Variants in UGT1A5 observed in about 807,000 individuals in gnomAD.
UGT1A5 encodes the protein UDP glucuronosyltransferase family 1 member A5.
In UGT1A5, 29 loss-of-function variants were observed where a neutral mutation model predicts 40.3. That is an observed-to-expected ratio of 0.72 (90% confidence interval 0.54 to 0.98). UGT1A5 has a LOEUF of 0.98. Ranked by LOEUF, UGT1A5 falls within the 50% of genes least tolerant of loss-of-function variation. The pLI is 0.00. For synonymous variants in UGT1A5, 257 were observed against 262.5 expected, an observed-to-expected ratio of 0.98 and a Z score of 0.20; for missense variants, 678 against 677.9, an observed-to-expected ratio of 1.00 and a Z score of 0.00.
chr2:233,744,112 C>T (rs1010440918), intron 1 of UGT1A5: 4 of 367,842 alleles, frequency 1.1e-5, no homozygotes, highest in African/African-American at 6.4e-5. Context: ...TGGCCCTGCT[C>T]TCTGTGAGGC....
intron 1 of UGT1A5, among the ~76,000 whole-genome samples, chr2:233,725,937 A>T (rs911094598): frequency 6.6e-6 from 1 of 152,148 alleles, no homozygotes; most frequent in Non-Finnish European, 1.5e-5. Context: ...AGACTGATGC[A>T]GGAGGATTGT....
rs754213125 is a variant in UGT1A5 at position 233,761,125 on chromosome 2, T to G, written c.868-5909T>G. ...TATGGTTTTTGTTGGTGGAATCAAC[T>G]GCCTTCACCAAAATCCACTATCCCA... On this transcript the variant is annotated intron_variant, in intron 1 of 4. Transcript: ENST00000373414. 1.1e-5 allele frequency: 17 copies of G among 1,614,134 alleles called. No homozygotes were observed. Among genetic ancestry groups the G allele is most frequent in the Middle Eastern group, 1.6e-4 (1 of 6,084 alleles).
intron 1 of UGT1A5, among the ~76,000 whole-genome samples, chr2:233,720,845 G>A (rs1182683135): frequency 1.3e-5 from 2 of 150,558 alleles, no homozygotes; most frequent in African/African-American, 2.5e-5. Flanking sequence ...AACTGGGACT[G>A]CAGGCATGTG....
intron 1 of UGT1A5, among the ~76,000 whole-genome samples, chr2:233,735,232 C>A (rs1233403714): frequency 6.6e-6 from 1 of 152,064 alleles, no homozygotes; most frequent in Admixed American, 6.5e-5. Context: ...GGATAGTTAG[C>A]TCTTGTTGTT....
rs757417206 is a variant in UGT1A5, at chr2:233,772,349, T to C, written c.1395T>C (p.Phe465=). Residue 465 remains phenylalanine (F), a synonymous_variant, in exon 5 of 5, where the codon TTT becomes TTC. Coordinates refer to ENST00000373414, the MANE Select transcript of UGT1A5 (RefSeq NM_019078.2). ...ACCTGGCCGTGTTCTGGGTGGAGTT[T>C]GTGATGAGGCACAAGGGCGCGCCAC... ...PLDLAVFWVE[F]VMRHKGAPHL... is the part of the protein sequence containing the mutation. 2 of 1,614,272 alleles carry C rather than the reference T, an allele frequency of 1.2e-6. No individual in the cohort carries two copies. The highest frequency in any genetic ancestry group is 1.7e-5 in the Admixed American group (1 of 60,034).
At chr2:233,742,048 G>A (rs1013653818) in intron 1 of UGT1A5, 2 of 151,922 alleles carry the variant, frequency 1.3e-5, no homozygotes, top group Non-Finnish European at 2.9e-5. Context: ...ATAGCAATAG[G>A]ATAGTTCTGT....
intron 1 of UGT1A5, chr2:233,755,146 C>A: frequency 7.7e-7 from 1 of 1,304,902 alleles, no homozygotes; most frequent in Non-Finnish European, 1.0e-6. Flanking sequence ...CTTCTCACCG[C>A]TTCCTCCCTG....
chr2:233,719,081 G>A (rs146146688), intron 1 of UGT1A5: 3 of 1,614,150 alleles, frequency 1.9e-6, no homozygotes, highest in Non-Finnish European at 2.5e-6. Context: ...GGACCCAGAA[G>A]GAATTTGATC....
At chr2:233,721,036 A>G (rs1265033546) in intron 1 of UGT1A5, among the ~76,000 whole-genome samples, 1 of 152,110 alleles carries the variant, frequency 6.6e-6, no homozygotes, top group African/African-American at 2.4e-5. Context: ...TTGTGAGAGA[A>G]TTGAGCCCTT....
Position 233,747,153 on chromosome 2 carries a change from A to G in UGT1A5, c.868-19881A>G, listed in dbSNP as rs1559391866. The G allele has an allele frequency of 3.2e-6, 5 of 1,578,556 alleles. No individual in the cohort carries two copies. The East Asian group carries it at 9.0e-5, about 28-fold the overall frequency. On this transcript the variant is annotated intron_variant, in intron 1 of 4. Transcript: ENST00000373414. Reference sequence around the variant, plus strand: ...CAGTGACAAGGTAATTAAGATGAAGAAAACAAATGTAGGAGGCACAGCGTG... The same window carrying G: ...CAGTGACAAGGTAATTAAGATGAAGGAAACAAATGTAGGAGGCACAGCGTG...
Position 233,769,174 on chromosome 2 carries a change from G to T in UGT1A5, c.1307+735G>T, listed in dbSNP as rs1699806573. ...ACCTGTGAGAAATTTTGTCCATGGA[G>T]TTTATGAATGAAGGAGCTATAAGAT... On this transcript the variant is annotated intron_variant, in intron 4 of 4. Coordinates refer to ENST00000373414, the MANE Select transcript of UGT1A5 (RefSeq NM_019078.2). This position sits in a 1 kb window ranked among gnomAD's most constrained non-coding sequence, Gnocchi z 4.4. Among the ~76,000 whole-genome samples, 1 of 152,206 alleles carries T rather than the reference G, an allele frequency of 6.6e-6. No individual in the cohort carries two copies. Among genetic ancestry groups the T allele is most frequent in the Non-Finnish European group, 1.5e-5 (1 of 68,044 alleles).
At chr2:233,732,129 GTTGTTTGT>G (rs201829156) in intron 1 of UGT1A5, among the ~76,000 whole-genome samples, 3 of 151,474 alleles carry the variant, frequency 2.0e-5, no homozygotes, top group African/African-American at 4.9e-5. Context: ...TTTTGATGAG[GTTGTTTGT>G]TTGTTTTTTT....
rs796155377 is a variant in UGT1A5 at position 233,747,484 on chromosome 2, G to A, written c.868-19550G>A. ...TCATGGACCCAGGATGAATTTGATC[G>A]CCTTGTGCTGGGCCACACTCAACTG... On this transcript the variant is annotated intron_variant, in intron 1 of 4. Transcript: ENST00000373414. The A allele has an allele frequency of 6.3e-5, 101 of 1,608,658 alleles. 5 individuals are homozygous for A. The African/African-American group carries it at 1.1e-3, about 17-fold the overall frequency.
At chr2:233,738,189 CCTCT>C (rs563579368) in intron 1 of UGT1A5, among the ~76,000 whole-genome samples, 82 of 152,188 alleles carry the variant, frequency 5.4e-4, no homozygotes, top group Non-Finnish European at 1.0e-3. Context: ...CGTGTCTTTG[CCTCT>C]CTCTCACTTT....
In UGT1A5 at chr2:233,748,123, A is replaced by G. The variant is rs1228828484; in HGVS notation, c.868-18911A>G. On this transcript the variant is annotated intron_variant, in intron 1 of 4. Transcript: ENST00000373414. ...ATCCAATCAATGTTCCAGGCAAAAC[A>G]GTTTTTAAAAATTGTATTTACTTAC... The G allele has an allele frequency of 8.7e-6, 14 of 1,610,818 alleles. No individual in the cohort carries two copies. In the Admixed American group the frequency reaches 2.2e-4, roughly 25 times the overall value.
Position 233,746,417 on chromosome 2 carries a change from CT to C in UGT1A5, c.868-20616del, listed in dbSNP as rs747591279. 3.3e-5 allele frequency among the ~76,000 whole-genome samples: 5 copies of C among 151,706 alleles called. No homozygotes were observed. The South Asian group carries it at 1.0e-3, about 32-fold the overall frequency. ...AGCTGGGAGTGTGTCCAATGGTGAC[CT>C]ATTAACTTATGTCTTCAGCTTAAAA... On this transcript the variant is annotated intron_variant, in intron 1 of 4. Transcript: ENST00000373414.
chr2:233,762,332 G>A (rs1219389656), intron 1 of UGT1A5, among the ~76,000 whole-genome samples: 1 of 152,156 alleles, frequency 6.6e-6, no homozygotes, highest in Non-Finnish European at 1.5e-5. Flanking sequence ...ATCCACAATA[G>A]CTCTTTTTAG....
chr2:233,767,266 T>A (rs1028095369), intron 2 of UGT1A5, 101 bp downstream of exon 2: 5 of 1,587,970 alleles, frequency 3.1e-6, no homozygotes, highest in Non-Finnish European at 4.3e-6. Flanking sequence ...AACCTTAGAT[T>A]TGGCTTTTCC....
chr2:233,724,239 G>A, intron 1 of UGT1A5, among the ~76,000 whole-genome samples: 1 of 128,664 alleles, frequency 7.8e-6, no homozygotes, highest in African/African-American at 3.1e-5. Context: ...GGGCGGCCGG[G>A]CAGAGGCGCC....
Sources: gnomAD v4.1 joint callset for allele counts (sites outside exome capture counted in the v4.1 genomes callset) on GRCh38, gnomAD v4.1.1 for gene constraint, Gnocchi (gnomAD v3.1) non-coding constraint, MANE v1.5 for transcripts, NCBI Gene and HGNC (gene_info 2026-07-23, HGNC 2026-07-21) for gene names.